Variants in TAFAZZIN observed in about 807,000 individuals in gnomAD.
The protein encoded by TAFAZZIN is tafazzin, phospholipid-lysophospholipid transacylase, also known as protein G4.5.
In TAFAZZIN, 6 loss-of-function variants were observed where a neutral mutation model predicts 27.3. The observed-to-expected ratio is 0.22, with a 90% CI of 0.12 to 0.43. The LOEUF is 0.43. Ranked by LOEUF, TAFAZZIN falls within the 20% of genes least tolerant of loss-of-function variation. The probability of loss-of-function intolerance (pLI) is 1.00; values close to 1 mark genes in which losing one functional copy is unlikely to be tolerated. For synonymous variants in TAFAZZIN, 79 were observed against 96.2 expected (o/e 0.82, Z 1.04); for missense variants, 127 against 244.5 (o/e 0.52, Z 3.21).
intron 7 of TAFAZZIN, 127 bp from the exon 8 acceptor site, chrX:154,419,905 G>A (rs1409851813): frequency 1.4e-5 from 15 of 1,088,184 alleles, no homozygotes; most frequent in African/African-American, 1.3e-4. Context: ...CCTGCCTCTC[G>A]CAGGGGCTTG....
At chrX:154,414,068 G>A (rs1191468808) in intron 4 of TAFAZZIN, 33 bp from the exon 5 acceptor site, 7 of 1,042,278 alleles carry the variant, frequency 6.7e-6, no homozygotes, top group Non-Finnish European at 9.4e-6. Flanking sequence ...GGCAAAGCCA[G>A]GATTTGAATC....
chrX:154,412,556 T>G, intron 2 of TAFAZZIN: 1 of 256,693 alleles, frequency 3.9e-6, no homozygotes, highest in Admixed American at 6.0e-5. Flanking sequence ...TAGGATATCC[T>G]GTGAGGAAGT....
intron 2 of TAFAZZIN, 124 bp downstream of exon 2, chrX:154,412,338 G>A (rs915909831): frequency 1.7e-5 from 16 of 965,987 alleles, no homozygotes; most frequent in Middle Eastern, 3.8e-4. Context: ...GTTTCCGGGC[G>A]TTCTGCCCCA....
At position 154,420,977 on chromosome X, in the gene TAFAZZIN, C is replaced by T; in HGVS notation, c.852C>T (p.Leu284=). 2.5e-6 allele frequency: 3 copies of T among 1,211,509 alleles called. No individual in the cohort carries two copies. In the South Asian group the frequency reaches 5.3e-5, roughly 21 times the overall value. Residue 284 remains leucine (L), a synonymous_variant, in exon 11 of 11, where the codon CTC becomes CTT. Coordinates refer to ENST00000601016, the MANE Select transcript of TAFAZZIN (RefSeq NM_000116.5). The part of the protein sequence containing the change: ...FQHLKTQAEQ[L]HNHLQPGR ...ATCTGAAGACTCAGGCAGAGCAGCT[C>T]CACAACCACCTCCAGCCTGGGAGAT...
chrX:154,417,734 G>A (rs1251084837), intron 5 of TAFAZZIN, among the ~76,000 whole-genome samples: 1 of 111,667 alleles, frequency 9.0e-6, no homozygotes, highest in East Asian at 2.8e-4. Flanking sequence ...GGCTACTTCT[G>A]TCTCTGTAAA....
intron 9 of TAFAZZIN, 117 bp downstream of exon 9, chrX:154,420,381 G>A (rs781840475): frequency 1.1e-6 from 1 of 924,689 alleles, no homozygotes; most frequent in East Asian, 3.1e-5. Context: ...TACAGCAGGG[G>A]ACAGAGTGGA....
At chrX:154,415,532 GTAGA>G (rs1307378368) in intron 5 of TAFAZZIN, among the ~76,000 whole-genome samples, 12 of 111,302 alleles carry the variant, frequency 1.1e-4, no homozygotes, top group South Asian at 3.7e-4. Context: ...AGGTACGTAG[GTAGA>G]TAGATAGATA....
rs1478882593 is a variant in TAFAZZIN, at chrX:154,421,315, T to C, written c.*311T>C. ...GCATAGAAGGCAGGTGAGCAACCAG[T>C]TGGCTAGGGGAGCAGGGGGCCCACC... On this transcript the variant is annotated 3_prime_UTR_variant, in exon 11 of 11. Coordinates refer to ENST00000601016, the MANE Select transcript of TAFAZZIN (RefSeq NM_000116.5). The C allele has an allele frequency of 1.4e-5, 6 of 417,308 alleles. No homozygotes were observed. Among genetic ancestry groups the C allele is most frequent in the Non-Finnish European group, 2.6e-5 (6 of 226,510 alleles). 34.4% of individuals were successfully genotyped at this position (417,308 alleles called of 1,213,427 possible).
chrX:154,413,586 G>A lies in TAFAZZIN; in HGVS notation c.370+19G>A. 1 of 1,205,805 alleles carries A rather than the reference G, an allele frequency of 8.3e-7. No individual in the cohort carries two copies. The highest frequency in any genetic ancestry group is 3.0e-5 in the East Asian group (1 of 33,821). ...TGCCGAGGTGAGCTGCTCCTCCAGC[G>A]AGTGCAGGGAGGCACTTCTGGGGCA... On this transcript the variant is annotated intron_variant, in intron 4 of 10. Transcript: ENST00000601016.
intron 5 of TAFAZZIN, among the ~76,000 whole-genome samples, chrX:154,416,539 A>C (rs1446419900): frequency 8.9e-6 from 1 of 112,235 alleles, no homozygotes; most frequent in Non-Finnish European, 1.9e-5. Flanking sequence ...TAGCTCCAGC[A>C]GCAGATGATT....
At position 154,421,474 on chromosome X, in the gene TAFAZZIN, C is replaced by A. The variant is rs743547; in HGVS notation, c.*470C>A. On this transcript the variant is annotated 3_prime_UTR_variant, in exon 11 of 11. Transcript: ENST00000601016. ...CTTCCTTCTGCCTGAGCTTCCCCCCCACCACAGGCCCTTTCCTCAGGCAAG... is the reference window on the plus strand; with the variant it reads ...CTTCCTTCTGCCTGAGCTTCCCCCCAACCACAGGCCCTTTCCTCAGGCAAG... 26 of 330,515 alleles carry A rather than the reference C, an allele frequency of 7.9e-5. No individual in the cohort carries two copies. The highest frequency in any genetic ancestry group is 1.3e-4 in the South Asian group (5 of 38,451). The allele number at this position is 330,515 out of a possible 1,213,427, so 27.2% of individuals were successfully genotyped here.
chrX:154,415,710 C>CCG (rs1557192665), intron 5 of TAFAZZIN, among the ~76,000 whole-genome samples: 1 of 104,891 alleles, frequency 9.5e-6, no homozygotes. Context: ...TGGCGAAACC[C>CCG]TGTCTACTAA....
intron 2 of TAFAZZIN, 188 bp from the exon 3 acceptor site, chrX:154,413,019 T>C (rs1459673647): frequency 1.9e-6 from 1 of 521,085 alleles, no homozygotes; most frequent in Non-Finnish European, 3.3e-6. Context: ...ATTAGTAAGA[T>C]GTGGAGGGTG....
intron 5 of TAFAZZIN, among the ~76,000 whole-genome samples, chrX:154,416,706 C>A (rs1217359308): frequency 4.5e-5 from 5 of 111,403 alleles, no homozygotes; most frequent in Non-Finnish European, 9.5e-5. Flanking sequence ...GAGAAGGGTG[C>A]AAAGGGAAAG....
intron 5 of TAFAZZIN, among the ~76,000 whole-genome samples, chrX:154,415,325 G>A (rs2068453046): frequency 9.5e-6 from 1 of 104,986 alleles, no homozygotes; most frequent in Non-Finnish European, 2.0e-5. Flanking sequence ...AGACTCAAGC[G>A]ATCCTCCCGC....
At chrX:154,416,434 C>CAA (rs1244460521) in intron 5 of TAFAZZIN, among the ~76,000 whole-genome samples, 2 of 83,271 alleles carry the variant, frequency 2.4e-5, no homozygotes, top group Admixed American at 1.3e-4. Context: ...GACTCCGTCT[C>CAA]AAAAAAAAAA....
intron 3 of TAFAZZIN, 57 bp from the exon 4 acceptor site, chrX:154,413,425 G>A (rs2068382145): frequency 5.8e-6 from 7 of 1,208,166 alleles, no homozygotes; most frequent in African/African-American, 1.7e-5. Flanking sequence ...GATGCTGGGG[G>A]CAGGGTGGTG....
At chrX:154,419,273 G>A in intron 5 of TAFAZZIN, 5 of 420,123 alleles carry the variant, frequency 1.2e-5, no homozygotes, top group Non-Finnish European at 2.1e-5. Context: ...AAGATATTAG[G>A]AAGGAAGCCC....
intron 6 of TAFAZZIN, 31 bp downstream of exon 6, chrX:154,419,654 C>G (rs782249429): frequency 1.3e-5 from 16 of 1,211,856 alleles, no homozygotes; most frequent in Middle Eastern, 2.3e-4. Flanking sequence ...CGAGCCCCCC[C>G]AGTATGAGCG....
Sources: gnomAD v4.1 joint callset for allele counts (sites outside exome capture counted in the v4.1 genomes callset) on GRCh38, gnomAD v4.1.1 for gene constraint, MANE v1.5 for transcripts, NCBI Gene and HGNC (gene_info 2026-07-23, HGNC 2026-07-21) for gene names.